The following COX4I1 variants were observed in gnomAD, a reference collection of about 807,000 sequenced individuals.
The protein encoded by COX4I1 is cytochrome c oxidase subunit 4I1.
A neutral mutation model predicts 21.7 loss-of-function variants in COX4I1; 18 were observed. The ratio of observed to expected loss-of-function variants is 0.83; its 90% CI spans 0.57 to 1.23. COX4I1 has a LOEUF of 1.23. COX4I1 is among the 50% of genes most tolerant of loss of function. The pLI, the probability that COX4I1 is intolerant of heterozygous loss-of-function variation, is 0.00. For missense variants in COX4I1, 238 were observed against 220.7 expected, an observed-to-expected ratio of 1.08 and a Z score of -0.50; for synonymous variants, 100 against 81.5, an observed-to-expected ratio of 1.23 and a Z score of -1.23.
At chr16:85,801,970 G>A (rs887504738) in intron 2 of COX4I1, among the ~76,000 whole-genome samples, 1 of 152,162 alleles carries the variant, frequency 6.6e-6, no homozygotes, top group South Asian at 2.1e-4. Context: ...CTGGGTAGAA[G>A]CATTTAGCCC....
intron 3 of COX4I1, 95 bp from the exon 4 acceptor site, chr16:85,805,638 T>G: frequency 6.4e-7 from 1 of 1,565,774 alleles, no homozygotes; most frequent in Non-Finnish European, 8.7e-7. Flanking sequence ...GTTTCCTCCT[T>G]CACAAGTGTG....
At chr16:85,805,696 CT>C (rs766482547) in intron 3 of COX4I1, 36 bp from the exon 4 acceptor site, 12 of 1,610,506 alleles carry the variant, frequency 7.5e-6, no homozygotes, top group Non-Finnish European at 1.0e-5. Context: ...AGCTGCTGAC[CT>C]TTGTGCCTGT....
At position 85,799,920 on chromosome 16, in the gene COX4I1, C is replaced by T. The variant is rs1249092973; in HGVS notation, c.-2+168C>T. The T allele has an allele frequency of 1.3e-5, 2 of 152,244 alleles. No homozygotes were observed. Among genetic ancestry groups the T allele is most frequent in the Non-Finnish European group, 2.9e-5 (2 of 68,050 alleles). The allele number at this position is 152,244 out of a possible 1,614,324, so 9.4% of individuals were successfully genotyped here. On this transcript the variant is annotated intron_variant, in intron 1 of 4. Coordinates refer to ENST00000253452, the MANE Select transcript of COX4I1 (RefSeq NM_001861.6). The surrounding 1 kb of genome is among the most constrained non-coding windows in gnomAD (Gnocchi z 4.2). ...GGCCGGCCCGTGGGGACTCCGGGCT[C>T]GGTGGCTCCAGGCTCGGGGGGCCGC... is the stretch of plus-strand genomic sequence containing the variant.
At position 85,805,068 on chromosome 16, in the gene COX4I1, T is replaced by A. The variant is rs1182164590; in HGVS notation, c.205T>A (p.Ser69Thr). Residue 69 changes from serine to threonine, a missense_variant, in exon 3 of 5, where the codon TCC (serine) becomes ACC (threonine). Transcript: ENST00000253452. ...GGCATTGAAGGAGAAGGAGAAGGCC[T>A]CCTGGAGCAGCCTCTCCATGGATGA... Reference protein sequence around the residue: ...QKALKEKEKASWSSLSMDEKV... With the variant: ...QKALKEKEKATWSSLSMDEKV... 6.2e-7 allele frequency: 1 copy of A among 1,613,754 alleles called. No homozygotes were observed.
intron 2 of COX4I1, among the ~76,000 whole-genome samples, chr16:85,801,760 G>T (rs1905783690): frequency 6.6e-6 from 1 of 152,180 alleles, no homozygotes; most frequent in Admixed American, 6.5e-5. Context: ...CTCACCTGAA[G>T]TATATGGACA....
In COX4I1 at chr16:85,805,107, G is replaced by A. The variant is rs755854485; in HGVS notation, c.241+3G>A. The A allele has an allele frequency of 8.7e-6, 14 of 1,607,900 alleles. 1 individual carries two copies. In the South Asian group the frequency reaches 1.3e-4, roughly 15 times the overall value. On this transcript the variant is annotated splice_donor_region_variant and intron_variant, in intron 3 of 4. Transcript: ENST00000253452. ...CTCCATGGATGAGAAAGTCGAGTGT[G>A]GGTATTGAAGGGACCCACAGGCGCG...
Position 85,806,919 on chromosome 16 carries a change from C to T in COX4I1, c.*45C>T, listed in dbSNP as rs772523194. The T allele has an allele frequency of 3.8e-6, 6 of 1,572,350 alleles. No homozygotes were observed. Among genetic ancestry groups the T allele is most frequent in the Non-Finnish European group, 5.2e-6 (6 of 1,155,338 alleles). Reference sequence around the variant, plus strand: ...GCACCTGCGCCTGGCTCTGTCACCGCCATGCAACTCCATGCCTATTTACTG... The same window carrying T: ...GCACCTGCGCCTGGCTCTGTCACCGTCATGCAACTCCATGCCTATTTACTG... On this transcript the variant is annotated 3_prime_UTR_variant, in exon 5 of 5. Transcript: ENST00000253452.
intron 1 of COX4I1, among the ~76,000 whole-genome samples, chr16:85,800,283 T>A (rs2152080127): frequency 6.6e-6 from 1 of 152,216 alleles, no homozygotes; most frequent in East Asian, 1.9e-4. Context: ...CCCACATCAC[T>A]CTCACCAGTC....
At position 85,800,175 on chromosome 16, in the gene COX4I1, GT is replaced by G. The variant is rs563082965; in HGVS notation, c.-2+426del. Reference sequence around the variant, plus strand: ...CTTTCCAGCCTGGAAGGCGCCTATTGTTTGCTCACGCAAGGGCTAGGCCCAA... The same window carrying G: ...CTTTCCAGCCTGGAAGGCGCCTATTGTTGCTCACGCAAGGGCTAGGCCCAA... On this transcript the variant is annotated intron_variant, in intron 1 of 4. Coordinates refer to ENST00000253452, the MANE Select transcript of COX4I1 (RefSeq NM_001861.6). 2.6e-5 allele frequency among the ~76,000 whole-genome samples: 4 copies of G among 152,380 alleles called. No individual in the cohort carries two copies. In the East Asian group the frequency reaches 7.7e-4, roughly 29 times the overall value.
At chr16:85,805,503 G>A (rs1906118421) in intron 3 of COX4I1, 2 of 598,258 alleles carry the variant, frequency 3.3e-6, no homozygotes, top group Non-Finnish European at 2.9e-6. Context: ...GTTTTAATTT[G>A]CACCTGAAGC....
At chr16:85,806,654 C>T (rs1000528952) in intron 4 of COX4I1, 84 bp from the exon 5 acceptor site, 19 of 1,608,580 alleles carry the variant, frequency 1.2e-5, no homozygotes, top group African/African-American at 5.3e-5. Context: ...GCTGGTGTGT[C>T]GGGAGGATTT....
At chr16:85,805,261 T>G (rs1436836393) in intron 3 of COX4I1, 157 bp downstream of exon 3, 2 of 689,688 alleles carry the variant, frequency 2.9e-6, no homozygotes, top group African/African-American at 3.6e-5. Flanking sequence ...GGCCCCAGTT[T>G]ATGTGCTCAC....
chr16:85,805,570 TGTGCACGTAC>T, intron 3 of COX4I1, 153 bp from the exon 4 acceptor site: 1 of 965,540 alleles, frequency 1.0e-6, no homozygotes. Context: ...TGGGCACGTG[TGTGCACGTAC>T]GTGCGTGAAC....
At chr16:85,805,676 C>T (rs889038163) in intron 3 of COX4I1, 57 bp from the exon 4 acceptor site, 1 of 1,603,686 alleles carries the variant, frequency 6.2e-7, no homozygotes, top group African/African-American at 1.3e-5. Flanking sequence ...TTGAATGTTG[C>T]AGAGGAGGGA....
rs1906127183 is a variant in COX4I1, at chr16:85,805,592, T to C, written c.242-141T>C. The C allele has an allele frequency of 2.4e-6, 3 of 1,231,392 alleles. No individual in the cohort carries two copies. The Middle Eastern group carries it at 5.8e-4, about 240-fold the overall frequency. 76.3% of individuals were successfully genotyped at this position (1,231,392 alleles called of 1,614,324 possible). ...GTGTGTGCACGTACGTGCGTGAACATGATGTGGCCTGGGTTGGTGTATCCT... is the reference window on the plus strand; with the variant it reads ...GTGTGTGCACGTACGTGCGTGAACACGATGTGGCCTGGGTTGGTGTATCCT... On this transcript the variant is annotated intron_variant, in intron 3 of 4. Transcript: ENST00000253452.
intron 2 of COX4I1, chr16:85,803,999 C>T (rs1264554251): frequency 3.9e-5 from 6 of 152,234 alleles, no homozygotes; most frequent in Admixed American, 2.0e-4. Flanking sequence ...AGAAGTGTGC[C>T]ACTAGGCAGG....
chr16:85,806,924 C>T lies in COX4I1; in HGVS notation c.*50C>T, dbSNP rs1340535651. 6.4e-7 allele frequency: 1 copy of T among 1,573,310 alleles called. No individual in the cohort carries two copies. The stretch of plus-strand genomic sequence containing the variant: ...TGCGCCTGGCTCTGTCACCGCCATG[C>T]AACTCCATGCCTATTTACTGGAAAC... On this transcript the variant is annotated 3_prime_UTR_variant, in exon 5 of 5. Coordinates refer to ENST00000253452, the MANE Select transcript of COX4I1 (RefSeq NM_001861.6).
At position 85,806,135 on chromosome 16, in the gene COX4I1, T is replaced by G. The variant is rs1906180137; in HGVS notation, c.373+271T>G. The G allele has an allele frequency of 5.1e-6, 3 of 585,718 alleles. No homozygotes were observed. In the East Asian group the frequency reaches 8.3e-5, roughly 16 times the overall value. 36.3% of individuals were successfully genotyped at this position (585,718 alleles called of 1,614,324 possible). A position where few individuals can be genotyped will look rare whatever the true frequency, so the allele number is the denominator to read the frequency against. On this transcript the variant is annotated intron_variant, in intron 4 of 4. Coordinates refer to ENST00000253452, the MANE Select transcript of COX4I1 (RefSeq NM_001861.6). Reference sequence around the variant, plus strand: ...TTTGTACAGCACACCACGTTTTCAGTAGCAATTTATGTGCTCACCAGTCAC... The same window carrying G: ...TTTGTACAGCACACCACGTTTTCAGGAGCAATTTATGTGCTCACCAGTCAC...
Position 85,805,594 on chromosome 16 carries a change from A to G in COX4I1, c.242-139A>G, listed in dbSNP as rs1312947486. 4.8e-6 allele frequency: 6 copies of G among 1,248,336 alleles called. No homozygotes were observed. The East Asian group carries it at 1.4e-4, about 30-fold the overall frequency. The allele number at this position is 1,248,336 out of a possible 1,614,324, so 77.3% of individuals were successfully genotyped here. ...GTGTGCACGTACGTGCGTGAACATG[A>G]TGTGGCCTGGGTTGGTGTATCCTTC... On this transcript the variant is annotated intron_variant, in intron 3 of 4. Transcript: ENST00000253452.
Sources: allele counts gnomAD v4.1 joint callset (sites outside exome capture counted in the v4.1 genomes callset), GRCh38; gene constraint gnomAD v4.1.1; non-coding constraint Gnocchi (gnomAD v3.1); transcripts MANE v1.5; gene names NCBI Gene and HGNC (gene_info 2026-07-23, HGNC 2026-07-21).